The following EFCAB5 variants were observed in gnomAD, a reference collection of about 807,000 sequenced individuals.
EFCAB5 encodes the protein EF-hand calcium binding domain 5, also known as EF-hand calcium-binding domain-containing protein 5.
A neutral mutation model predicts 167.9 loss-of-function variants in EFCAB5; 131 were observed. The observed-to-expected ratio is 0.78, with a 90% CI of 0.68 to 0.90. The LOEUF (loss-of-function observed/expected upper bound fraction) is 0.90, where lower values mean the gene tolerates loss of function less well. Among genes scored for constraint, EFCAB5 ranks in the 40% least tolerant of loss-of-function variants. The pLI is 0.00. For synonymous variants in EFCAB5, 574 were observed against 602.8 expected, an observed-to-expected ratio of 0.95 and a Z score of 0.70; for missense variants, 1,663 against 1,745.2, an observed-to-expected ratio of 0.95 and a Z score of 0.84.
At chr17:30,099,783 C>T (rs1375931885) in intron 22 of EFCAB5, among the ~76,000 whole-genome samples, 2 of 152,002 alleles carry the variant, frequency 1.3e-5, no homozygotes, top group Non-Finnish European at 2.9e-5. Context: ...AGACTGTGTG[C>T]CTTAACCTGA....
At chr17:30,102,532 G>A (rs996204668) in intron 22 of EFCAB5, among the ~76,000 whole-genome samples, 3 of 151,886 alleles carry the variant, frequency 2.0e-5, no homozygotes, top group Non-Finnish European at 4.4e-5. Flanking sequence ...CACCATACCC[G>A]GCCCTTATGT....
intron 3 of EFCAB5, among the ~76,000 whole-genome samples, chr17:29,950,847 T>C (rs1279735102): frequency 2.0e-5 from 3 of 152,208 alleles, no homozygotes; most frequent in East Asian, 3.8e-4. Flanking sequence ...TTGAAAGTTA[T>C]ACATAGGTTT....
At chr17:30,073,251 C>G (rs1293525801) in intron 14 of EFCAB5, 1 of 640,746 alleles carries the variant, frequency 1.6e-6, no homozygotes, top group Non-Finnish European at 2.8e-6. Context: ...TGGATGGGGT[C>G]TCTCTGTGTT....
intron 13 of EFCAB5, among the ~76,000 whole-genome samples, chr17:30,058,719 T>C (rs2070342875): frequency 3.3e-5 from 5 of 152,030 alleles, no homozygotes; most frequent in Admixed American, 3.3e-4. Context: ...ACATATCCCT[T>C]AGGGCCAGCT....
At chr17:30,107,580 T>C (rs571326892) in intron 22 of EFCAB5, among the ~76,000 whole-genome samples, 1 of 152,340 alleles carries the variant, frequency 6.6e-6, no homozygotes, top group Admixed American at 6.5e-5. Flanking sequence ...AACTTACTTT[T>C]TGTATTGAAT....
At chr17:29,999,852 C>G (rs760669059) in intron 6 of EFCAB5, 54 bp from the exon 7 acceptor site, 2 of 1,297,270 alleles carry the variant, frequency 1.5e-6, no homozygotes, top group Non-Finnish European at 2.1e-6. Context: ...GTATAAATAT[C>G]AAATATATAT....
intron 7 of EFCAB5, among the ~76,000 whole-genome samples, chr17:30,015,737 T>A (rs2069020225): frequency 6.6e-6 from 1 of 151,620 alleles, no homozygotes; most frequent in African/African-American, 2.4e-5. Context: ...TTTCATGTTC[T>A]TATTGTTCTT....
intron 4 of EFCAB5, among the ~76,000 whole-genome samples, chr17:29,989,132 A>G (rs1031956282): frequency 2.0e-5 from 3 of 152,226 alleles, no homozygotes; most frequent in Admixed American, 6.5e-5. Flanking sequence ...AATGTTTTCA[A>G]TTGATCCCTA....
At position 29,995,974 on chromosome 17, in the gene EFCAB5, G is replaced by A. The variant is rs559829611; in HGVS notation, c.925-338G>A. Among the ~76,000 whole-genome samples, 72 of 152,218 alleles carry A rather than the reference G, an allele frequency of 4.7e-4. 1 individual carries two copies. The South Asian group carries it at 0.015, about 31-fold the overall frequency. ...CTTCAATTTTAGCAGAATTCATGTT[G>A]CTCTAATAGGGGCTCTTTTCAAACT... is the stretch of plus-strand genomic sequence containing the variant. On this transcript the variant is annotated intron_variant, in intron 5 of 22. Transcript: ENST00000394835.
chr17:30,005,796 A>T (rs1369028730), intron 7 of EFCAB5, among the ~76,000 whole-genome samples: 1 of 152,198 alleles, frequency 6.6e-6, no homozygotes, highest in Non-Finnish European at 1.5e-5. Context: ...GCAATAAGAT[A>T]CTAAGTTACA....
Position 29,942,252 on chromosome 17 carries a change from G to C in EFCAB5, c.55G>C (p.Glu19Gln). Residue 19 changes from glutamate to glutamine, a missense_variant, in exon 2 of 23, where the codon GAA becomes CAA. Physicochemically the swap from Glu to Gln is conservative, Grantham distance 29 (BLOSUM62 2). Transcript: ENST00000394835. ...ELRPAQENRK[E>Q]DKERKWNLTE... ...GTTTGCATTTCAGGAAAACAGAAAA[G>C]AAGACAAAGAGAGGAAATGGAACTT... The C allele has an allele frequency of 6.3e-7, 1 of 1,587,812 alleles. No individual in the cohort carries two copies.
intron 14 of EFCAB5, chr17:30,073,256 T>C (rs1460307291): frequency 4.8e-6 from 3 of 627,182 alleles, no homozygotes; most frequent in Admixed American, 4.8e-5. Flanking sequence ...GGGGTCTCTC[T>C]GTGTTGCCCA....
intron 4 of EFCAB5, among the ~76,000 whole-genome samples, chr17:29,977,928 G>A (rs1001079153): frequency 1.3e-5 from 2 of 152,156 alleles, no homozygotes; most frequent in East Asian, 3.8e-4. Flanking sequence ...CTATTGGAAT[G>A]TGTTATTTGC....
At chr17:30,087,337 GGTTT>G (rs2071110244) in intron 19 of EFCAB5, among the ~76,000 whole-genome samples, 171 bp downstream of exon 19, 2 of 152,120 alleles carry the variant, frequency 1.3e-5, no homozygotes, top group Non-Finnish European at 2.9e-5. Context: ...AGGACGTGCA[GGTTT>G]GTTACACAGG....
chr17:29,990,639 A>T (rs12602258), intron 4 of EFCAB5, among the ~76,000 whole-genome samples: 57,674 of 152,080 alleles, frequency 0.38, 13,187 homozygotes, highest in East Asian at 0.68. Flanking sequence ...CAAAAAGAGA[A>T]CCTGGTCCAT....
At chr17:30,101,878 G>A (rs35154099) in intron 22 of EFCAB5, among the ~76,000 whole-genome samples, 1,875 of 152,316 alleles carry the variant, frequency 0.012, 23 homozygotes, top group Non-Finnish European at 0.02. Context: ...CCTCAAGCAC[G>A]TCAGAGAGGA....
At chr17:29,997,301 G>T (rs1157161363) in intron 6 of EFCAB5, among the ~76,000 whole-genome samples, 1 of 151,526 alleles carries the variant, frequency 6.6e-6, no homozygotes, top group East Asian at 1.9e-4. Context: ...ATATATAAAT[G>T]CTTTGTTACG....
Position 30,091,911 on chromosome 17 carries a change from C to T in EFCAB5, c.3978C>T (p.Leu1326=). 1 of 1,613,998 alleles carries T rather than the reference C, an allele frequency of 6.2e-7. No individual in the cohort carries two copies. Among genetic ancestry groups the T allele is most frequent in the South Asian group, 1.1e-5 (1 of 91,072 alleles). ...GGGAAGTCCAGCGGGCAGGAATTCT[C>T]TTCTTCCGAATCATGCTGCTCGAGC... ...NVREVQRAGI[L]FFRIMLLELQ... is the part of the protein sequence containing the mutation. The change falls in exon 21 of 23, where the codon CTC becomes CTT. Residue 1326 remains leucine, a synonymous_variant. Transcript: ENST00000394835.
intron 20 of EFCAB5, among the ~76,000 whole-genome samples, chr17:30,091,133 T>A (rs2071187632): frequency 6.6e-6 from 1 of 152,168 alleles, no homozygotes; most frequent in Non-Finnish European, 1.5e-5. Flanking sequence ...TATACAGCAT[T>A]AAGTAATCAG....
Sources: allele counts gnomAD v4.1 joint callset (sites outside exome capture counted in the v4.1 genomes callset), GRCh38; gene constraint gnomAD v4.1.1; transcripts MANE v1.5; gene names NCBI Gene and HGNC (gene_info 2026-07-23, HGNC 2026-07-21).